The following HK2 variants were observed in gnomAD, a reference collection of about 807,000 sequenced individuals.
The protein encoded by HK2 is hexokinase-2.
In HK2, 42 loss-of-function variants were observed where a neutral mutation model predicts 92.9. The observed-to-expected ratio is 0.45, with a 90% CI of 0.35 to 0.58. HK2 has a LOEUF of 0.58. Ranked by LOEUF, HK2 falls within the 20% of genes least tolerant of loss-of-function variation. HK2 has a pLI of 0.00. For missense variants in HK2, 978 were observed against 1,245.1 expected (o/e 0.79, Z 3.23); for synonymous variants, 422 against 468.0 (o/e 0.90, Z 1.27).
At chr2:74,872,705 A>G (rs13395967) in intron 4 of HK2, among the ~76,000 whole-genome samples, 29,456 of 152,124 alleles carry the variant, frequency 0.19, 2,945 homozygotes, top group African/African-American at 0.22. Flanking sequence ...CTAAAGTGTT[A>G]TGATAAAGAC....
At chr2:74,881,995 A>G in intron 11 of HK2, 125 bp from the exon 12 acceptor site, 2 of 1,411,482 alleles carry the variant, frequency 1.4e-6, no homozygotes, top group Non-Finnish European at 2.0e-6. Context: ...GTCTTGACTC[A>G]GGTTTGTGCC....
chr2:74,888,256 A>C (rs2279428), intron 16 of HK2, among the ~76,000 whole-genome samples, 198 bp downstream of exon 16: 20,204 of 152,292 alleles, frequency 0.13, 3,830 homozygotes, highest in African/African-American at 0.43. Flanking sequence ...CATTCTCATG[A>C]AAGTTTGTGC....
chr2:74,867,521 C>A, intron 2 of HK2, 115 bp from the exon 3 acceptor site: 1 of 1,063,724 alleles, frequency 9.4e-7, no homozygotes, highest in South Asian at 1.3e-5. Context: ...GGAGTGAATC[C>A]CACTGGCCGC....
In HK2 at chr2:74,882,391, A is replaced by G. The variant is rs1689420684; in HGVS notation, c.1839+152A>G. Reference sequence around the variant, plus strand: ...GGGGAGGGGCTCCTTGATGGGAATGAGTAAGTTGAGGCTGGTGGAGGTTAA... The same window carrying G: ...GGGGAGGGGCTCCTTGATGGGAATGGGTAAGTTGAGGCTGGTGGAGGTTAA... On this transcript the variant is annotated intron_variant, in intron 12 of 17. Transcript: ENST00000290573. 1.7e-5 allele frequency: 19 copies of G among 1,125,784 alleles called. No individual in the cohort carries two copies. The East Asian group carries it at 4.5e-4, about 27-fold the overall frequency. 69.7% of individuals were successfully genotyped at this position (1,125,784 alleles called of 1,614,324 possible). A position where few individuals can be genotyped will look rare whatever the true frequency, so the allele number is the denominator to read the frequency against.
chr2:74,888,160 A>G, intron 16 of HK2, 102 bp downstream of exon 16: 2 of 1,270,174 alleles, frequency 1.6e-6, no homozygotes, highest in Non-Finnish European at 1.1e-6. Context: ...CTCATACAAA[A>G]GTCAGTTTAG....
At chr2:74,885,942 G>T (rs1207875759) in intron 13 of HK2, among the ~76,000 whole-genome samples, 1 of 151,746 alleles carries the variant, frequency 6.6e-6, no homozygotes, top group Non-Finnish European at 1.5e-5. Context: ...AGGGCTGCTG[G>T]TTGCACATTT....
intron 3 of HK2, among the ~76,000 whole-genome samples, chr2:74,871,654 C>G (rs1689102467): frequency 6.6e-6 from 1 of 152,180 alleles, no homozygotes; most frequent in South Asian, 2.1e-4. Flanking sequence ...CAGCGCTCTT[C>G]ATGGACTTAC....
chr2:74,862,544 G>A (rs537437237), intron 2 of HK2, among the ~76,000 whole-genome samples: 1 of 152,318 alleles, frequency 6.6e-6, no homozygotes, highest in South Asian at 2.1e-4. Flanking sequence ...AGGGAGACCG[G>A]GCTGGTGATA....
intron 1 of HK2, among the ~76,000 whole-genome samples, chr2:74,846,666 GTTT>G (rs912058422): frequency 6.6e-6 from 1 of 152,148 alleles, no homozygotes; most frequent in Non-Finnish European, 1.5e-5. Context: ...GCTTGTTTTT[GTTT>G]TTAAGAGACA....
chr2:74,834,763 A>AGCC lies in HK2; in HGVS notation c.63+120_63+121insGCC. On this transcript the variant is annotated intron_variant, in intron 1 of 17. Coordinates refer to ENST00000290573, the MANE Select transcript of HK2 (RefSeq NM_000189.5). The surrounding 1 kb of genome is among the most constrained non-coding windows in gnomAD (Gnocchi z 4.2). ...CCCTACTCCGGGCCTGGGAGCGGAA[A>AGCC]AAGTTTGGGCAGCCGGGACACTCCT... The AGCC allele has an allele frequency of 1.2e-5, 14 of 1,123,100 alleles. No individual in the cohort carries two copies. The highest frequency in any genetic ancestry group is 1.9e-5 in the Non-Finnish European group (14 of 747,500). 69.6% of individuals were successfully genotyped at this position (1,123,100 alleles called of 1,614,324 possible).
chr2:74,884,631 A>G (rs2104003842), intron 12 of HK2, among the ~76,000 whole-genome samples: 1 of 152,328 alleles, frequency 6.6e-6, no homozygotes, highest in South Asian at 2.1e-4. Flanking sequence ...TGCCAAGCTG[A>G]TGGGCATGAA....
chr2:74,841,142 A>G (rs1438771414), intron 1 of HK2, among the ~76,000 whole-genome samples: 1 of 152,190 alleles, frequency 6.6e-6, no homozygotes, highest in African/African-American at 2.4e-5. Context: ...TCAAATTTCC[A>G]GAGACAAAGC....
intron 1 of HK2, among the ~76,000 whole-genome samples, chr2:74,851,626 T>C (rs1029657519): frequency 6.6e-6 from 1 of 152,182 alleles, no homozygotes; most frequent in Non-Finnish European, 1.5e-5. Flanking sequence ...GTGCAGGAAC[T>C]CCTGTGCCCT....
chr2:74,864,170 C>A lies in HK2; in HGVS notation c.227-3466C>A, dbSNP rs528523390. Among the ~76,000 whole-genome samples the A allele has an allele frequency of 7.2e-5, 11 of 152,304 alleles. 1 individual carries two copies. In the East Asian group the frequency reaches 1.4e-3, roughly 19 times the overall value. On this transcript the variant is annotated intron_variant, in intron 2 of 17. Transcript: ENST00000290573. ...CCTTGAGCTGCTTCCTTGTGCTATC[C>A]CAGCCCTCCACAGTGCCACTAGAGC...
At chr2:74,861,040 G>A (rs1573370015) in intron 2 of HK2, among the ~76,000 whole-genome samples, 1 of 152,250 alleles carries the variant, frequency 6.6e-6, no homozygotes, top group Admixed American at 6.5e-5. Flanking sequence ...TGTGACTGTG[G>A]TACCAGCCCT....
rs1355310792 is a variant in HK2 at position 74,854,305 on chromosome 2, C to T, written c.76C>T (p.Leu26Phe). The stretch of plus-strand genomic sequence containing the variant: ...CCTCCTTTTTCAGGTTGACCAGTAT[C>T]TCTACCACATGCGCCTCTCTGATGA... ...HDQVQKVDQY[L>F]YHMRLSDETL... The change falls in exon 2 of 18, where the codon CTC becomes TTC. Residue 26 changes from leucine (L) to phenylalanine (F), a missense_variant. This residue lies in a region of HK2 where 47 missense variants were observed against 33.1 expected (regional missense o/e 1.42). Coordinates refer to ENST00000290573, the MANE Select transcript of HK2 (RefSeq NM_000189.5). 3 of 1,612,628 alleles carry T rather than the reference C, an allele frequency of 1.9e-6. No individual in the cohort carries two copies. The highest frequency in any genetic ancestry group is 1.1e-5 in the South Asian group (1 of 91,010).
rs973419093 is a variant in HK2 at position 74,881,866 on chromosome 2, A to G, written c.1719+7A>G. 6.2e-7 allele frequency: 1 copy of G among 1,613,966 alleles called. No homozygotes were observed. Among genetic ancestry groups the G allele is most frequent in the Non-Finnish European group, 8.5e-7 (1 of 1,179,860 alleles). ...GCACGGCACCGGGGACGAGGTGAGC[A>G]GGGCGGCGCCTTCAGGAGGGGGCCC... On this transcript the variant is annotated splice_region_variant and intron_variant, in intron 11 of 17. Transcript: ENST00000290573.
chr2:74,890,484 TCTTTTACTGA>T (rs771322579), intron 17 of HK2, among the ~76,000 whole-genome samples: 1 of 152,234 alleles, frequency 6.6e-6, no homozygotes, highest in Non-Finnish European at 1.5e-5. Context: ...GTTGAACTTC[TCTTTTACTGA>T]CTATTAGTTT....
chr2:74,860,104 A>G (rs1688788785), intron 2 of HK2, among the ~76,000 whole-genome samples: 1 of 150,252 alleles, frequency 6.7e-6, no homozygotes, highest in South Asian at 2.1e-4. Flanking sequence ...TATAAGTGGG[A>G]GCTAAACAGT....
Sources: gnomAD v4.1 joint callset for allele counts (sites outside exome capture counted in the v4.1 genomes callset) on GRCh38, gnomAD v4.1.1 for gene constraint, gnomAD v4.1.1 regional missense constraint, Gnocchi (gnomAD v3.1) non-coding constraint, MANE v1.5 for transcripts, NCBI Gene and HGNC (gene_info 2026-07-23, HGNC 2026-07-21) for gene names.